The following ANK1 variants were observed in gnomAD, a reference collection of about 807,000 sequenced individuals.
ANK1 encodes ankyrin 1.
ANK1 carries 51 observed loss-of-function variants against 210.4 expected under a neutral mutation model. The ratio of observed to expected loss-of-function variants is 0.24; its 90% CI spans 0.19 to 0.31. The LOEUF is 0.31. ANK1 is among the 10% of genes least tolerant of loss of function. The pLI is 1.00. For synonymous variants in ANK1, 967 were observed against 1,025.9 expected, an observed-to-expected ratio of 0.94 and a Z score of 1.10; for missense variants, 2,051 against 2,504.4, an observed-to-expected ratio of 0.82 and a Z score of 3.86.
intron 14 of ANK1, 113 bp from the exon 15 acceptor site, chr8:41,715,187 C>G (rs749529847): frequency 2.9e-5 from 29 of 995,764 alleles, no homozygotes; most frequent in Non-Finnish European, 4.3e-5. Context: ...CCAATGAAAG[C>G]AAAGGCACAG....
In ANK1 at chr8:41,727,944, A is replaced by G. The variant is rs750315765; in HGVS notation, c.291T>C (p.Leu97=). 2 of 1,614,146 alleles carry G rather than the reference A, an allele frequency of 1.2e-6. No homozygotes were observed. Among genetic ancestry groups the G allele is most frequent in the Admixed American group, 3.3e-5 (2 of 60,024 alleles). ...LAGQDEVVRE[L]VNYGANVNAQ... ...CGTTGACGTTGGCTCCATAGTTGAC[A>G]AGCTCCCGGACCACCTCATCCTGCC... Residue 97 remains leucine, a synonymous_variant, in exon 4 of 43, where the codon CTT becomes CTC. Coordinates refer to ENST00000289734, the MANE Select transcript of ANK1 (RefSeq NM_000037.4).
intron 42 of ANK1, among the ~76,000 whole-genome samples, chr8:41,660,690 C>A (rs3736219): frequency 2.0e-5 from 3 of 152,230 alleles, no homozygotes; most frequent in African/African-American, 7.2e-5. Flanking sequence ...AGGCCCCGGC[C>A]CCAACCCTGA....
At chr8:41,671,805 C>G (rs1459813990) in intron 38 of ANK1, among the ~76,000 whole-genome samples, 2 of 148,960 alleles carry the variant, frequency 1.3e-5, no homozygotes, top group African/African-American at 5.0e-5. Flanking sequence ...AGTGAGCACT[C>G]CAGGCACCCT....
intron 37 of ANK1, among the ~76,000 whole-genome samples, chr8:41,673,651 G>C (rs1813221981): frequency 6.6e-6 from 1 of 152,172 alleles, no homozygotes; most frequent in African/African-American, 2.4e-5. Flanking sequence ...CCAAAACCCT[G>C]TGTCCAAGAG....
chr8:41,717,754 G>A, intron 11 of ANK1, 52 bp from the exon 12 acceptor site: 1 of 1,407,234 alleles, frequency 7.1e-7, no homozygotes, highest in African/African-American at 1.4e-5. Context: ...CCGCTCCCCT[G>A]AAGAAGAGAG....
chr8:41,677,040 T>C (rs542619516), intron 37 of ANK1, among the ~76,000 whole-genome samples: 3 of 152,350 alleles, frequency 2.0e-5, no homozygotes, highest in African/African-American at 7.2e-5. Context: ...TATGGGGCTA[T>C]ATCTATTTCT....
At chr8:41,812,743 G>A (rs1009030461) in intron 1 of ANK1, among the ~76,000 whole-genome samples, 2 of 152,128 alleles carry the variant, frequency 1.3e-5, no homozygotes, top group African/African-American at 4.8e-5. Context: ...GATGGTTTCA[G>A]GATGAAACTG....
intron 37 of ANK1, among the ~76,000 whole-genome samples, chr8:41,673,210 A>G (rs1191341790): frequency 2.0e-5 from 3 of 152,062 alleles, no homozygotes; most frequent in African/African-American, 7.2e-5. Flanking sequence ...GGACTTTCTT[A>G]TCCAGTTCAG....
At chr8:41,857,272 G>C (rs1587454125) in intron 1 of ANK1, among the ~76,000 whole-genome samples, 1 of 150,430 alleles carries the variant, frequency 6.6e-6, no homozygotes, top group South Asian at 2.1e-4. Flanking sequence ...CTCGTTTCTT[G>C]GTGTGAAGGC....
chr8:41,739,043 C>A lies in ANK1; in HGVS notation c.130-4974G>T, dbSNP rs1463915131. On this transcript the variant is annotated intron_variant, in intron 2 of 42. Transcript: ENST00000289734. The stretch of plus-strand genomic sequence containing the variant: ...CTTTCCCTGGAGGAAAACACCAGTT[C>A]GCTAGAGTCTTTTTCCTACAGATAC... Among the ~76,000 whole-genome samples the A allele has an allele frequency of 3.3e-5, 5 of 152,314 alleles. No homozygotes were observed. The South Asian group carries it at 6.2e-4, about 19-fold the overall frequency.
chr8:41,825,147 C>T (rs1805150143), intron 1 of ANK1, among the ~76,000 whole-genome samples: 1 of 152,244 alleles, frequency 6.6e-6, no homozygotes, highest in Non-Finnish European at 1.5e-5. Context: ...GCATTCTGCT[C>T]AGGACCCAGA....
At chr8:41,796,785 A>T (rs1413600867) in intron 1 of ANK1, among the ~76,000 whole-genome samples, 2 of 151,816 alleles carry the variant, frequency 1.3e-5, no homozygotes, top group Admixed American at 6.6e-5. Context: ...TACCCAACAA[A>T]GGACACTGAC....
At chr8:41,816,715 C>G (rs1803404449) in intron 1 of ANK1, among the ~76,000 whole-genome samples, 1 of 152,174 alleles carries the variant, frequency 6.6e-6, no homozygotes, top group African/African-American at 2.4e-5. Flanking sequence ...CAGGCATGAG[C>G]CACCAGGTCT....
intron 1 of ANK1, among the ~76,000 whole-genome samples, chr8:41,894,566 GT>G: frequency 6.6e-6 from 1 of 152,228 alleles, no homozygotes; most frequent in East Asian, 1.9e-4. Context: ...GTGGGAGAGG[GT>G]TTTTTGACTA....
chr8:41,688,107 G>T, intron 35 of ANK1, 49 bp downstream of exon 35: 2 of 1,563,978 alleles, frequency 1.3e-6, no homozygotes, highest in Non-Finnish European at 1.8e-6. Context: ...AGGGGAAGAG[G>T]GTAGGTGAGA....
intron 1 of ANK1, among the ~76,000 whole-genome samples, chr8:41,812,120 GTA>G (rs1312194724): frequency 6.6e-6 from 1 of 152,182 alleles, no homozygotes; most frequent in Non-Finnish European, 1.5e-5. Context: ...CCCACTTAAT[GTA>G]TAGTTGTTCC....
intron 1 of ANK1, among the ~76,000 whole-genome samples, chr8:41,771,775 A>G (rs140198066): frequency 1.1e-3 from 166 of 152,316 alleles, no homozygotes; most frequent in African/African-American, 3.4e-3. Context: ...GAGAGAAGAA[A>G]GGGAAGAAAT....
At chr8:41,719,003 A>G (rs1216880049) in intron 10 of ANK1, among the ~76,000 whole-genome samples, 1 of 152,190 alleles carries the variant, frequency 6.6e-6, no homozygotes, top group East Asian at 1.9e-4. Context: ...GAGTGAATGA[A>G]TGAGCCATCC....
intron 10 of ANK1, among the ~76,000 whole-genome samples, chr8:41,718,836 G>A (rs1485070308): frequency 6.6e-6 from 1 of 152,156 alleles, no homozygotes; most frequent in African/African-American, 2.4e-5. Flanking sequence ...AGTGGGTAGA[G>A]GCCAGGGACG....
Sources: allele counts gnomAD v4.1 joint callset (sites outside exome capture counted in the v4.1 genomes callset), GRCh38; gene constraint gnomAD v4.1.1; transcripts MANE v1.5; gene names NCBI Gene and HGNC (gene_info 2026-07-23, HGNC 2026-07-21).